Variants in ELAVL4 observed in about 807,000 individuals in gnomAD.
The protein encoded by ELAVL4 is ELAV-like protein 4.
In ELAVL4, 1 loss-of-function variant was observed where a neutral mutation model predicts 35.6. The ratio of observed to expected loss-of-function variants is 0.03; its 90% CI spans 0.01 to 0.13. The LOEUF is 0.13. ELAVL4 is among the 10% of genes least tolerant of loss of function. The probability of loss-of-function intolerance (pLI) is 1.00; values close to 1 mark genes in which losing one functional copy is unlikely to be tolerated. For synonymous variants in ELAVL4, 156 were observed against 171.0 expected (o/e 0.91, Z 0.69); for missense variants, 267 against 464.9 (o/e 0.57, Z 3.91).
intron 1 of ELAVL4, among the ~76,000 whole-genome samples, chr1:50,096,267 G>C (rs151127469): frequency 6.6e-6 from 1 of 151,586 alleles, no homozygotes; most frequent in Non-Finnish European, 1.5e-5. Flanking sequence ...CTGTGGTAAT[G>C]CTCTGACATG....
At chr1:50,184,166 A>T (rs1426808475) in intron 3 of ELAVL4, among the ~76,000 whole-genome samples, 3 of 152,158 alleles carry the variant, frequency 2.0e-5, no homozygotes, top group Admixed American at 2.0e-4. Context: ...AAATACAAGG[A>T]TAGGAGTTGG....
intron 2 of ELAVL4, 123 bp downstream of exon 2, chr1:50,145,320 A>G: frequency 7.0e-7 from 1 of 1,431,276 alleles, no homozygotes; most frequent in South Asian, 1.3e-5. Context: ...TGGCATGGAT[A>G]CACAGTCATA....
At chr1:50,147,490 G>A (rs1673927909) in intron 2 of ELAVL4, among the ~76,000 whole-genome samples, 1 of 152,166 alleles carries the variant, frequency 6.6e-6, no homozygotes, top group Non-Finnish European at 1.5e-5. Context: ...GAGAGATAGG[G>A]CTGTGGGGAA....
upstream of ELAVL4, among the ~76,000 whole-genome samples, chr1:50,102,646 T>C (rs972646648): frequency 1.3e-5 from 2 of 152,250 alleles, no homozygotes; most frequent in Admixed American, 6.5e-5. Flanking sequence ...AGCTACTCCA[T>C]ACTTTACCTG....
intron 1 of ELAVL4, among the ~76,000 whole-genome samples, chr1:50,121,645 A>C (rs1669056803): frequency 6.6e-6 from 1 of 152,066 alleles, no homozygotes; most frequent in South Asian, 2.1e-4. Context: ...TGAGCTCTGT[A>C]TTATACAAAG....
chr1:50,186,014 G>C (rs1048503608), intron 3 of ELAVL4, among the ~76,000 whole-genome samples: 2 of 152,044 alleles, frequency 1.3e-5, no homozygotes, highest in African/African-American at 4.8e-5. Flanking sequence ...CCACTAGATA[G>C]ACAGAGAGAA....
chr1:50,144,992 T>C lies in ELAVL4; in HGVS notation c.45T>C (p.Gly15=), dbSNP rs754214008. Residue 15 remains glycine, a synonymous_variant, in exon 2 of 7, where the codon GGT becomes GGC. Coordinates refer to ENST00000371824, the MANE Select transcript of ELAVL4 (RefSeq NM_001144774.3). ...ISTMEPQVSN[G]PTSNTSNGPS... is the part of the protein sequence containing the mutation. ...CCATGGAGCCTCAGGTGTCAAATGG[T>C]CCGACATCCAATACAAGCAATGGAC... 6.2e-7 allele frequency: 1 copy of C among 1,613,754 alleles called. No homozygotes were observed. The highest frequency in any genetic ancestry group is 8.5e-7 in the Non-Finnish European group (1 of 1,179,936).
At chr1:50,084,297 T>G (rs1404771076) in intron 1 of ELAVL4, among the ~76,000 whole-genome samples, 1 of 152,192 alleles carries the variant, frequency 6.6e-6, no homozygotes, top group Non-Finnish European at 1.5e-5. Flanking sequence ...GGTGACATAA[T>G]TCTAATTTTA....
intron 1 of ELAVL4, among the ~76,000 whole-genome samples, chr1:50,119,095 A>AG (rs1668592273): frequency 3.8e-5 from 3 of 79,422 alleles, no homozygotes; most frequent in South Asian, 8.6e-4. Context: ...AAAGAAAGAA[A>AG]AAGAAAAAGA....
intron 1 of ELAVL4, among the ~76,000 whole-genome samples, chr1:50,136,624 T>G (rs899678974): frequency 6.6e-6 from 1 of 152,118 alleles, no homozygotes; most frequent in African/African-American, 2.4e-5. Flanking sequence ...TGCATGAGTC[T>G]CAGGTGTACA....
At chr1:50,082,930 A>G (rs1266403577) in intron 1 of ELAVL4, among the ~76,000 whole-genome samples, 1 of 152,184 alleles carries the variant, frequency 6.6e-6, no homozygotes, top group East Asian at 1.9e-4. Flanking sequence ...CCTTGTACCC[A>G]GTGAACCAAT....
chr1:50,056,785 A>T (rs1336565118), intron 1 of ELAVL4, among the ~76,000 whole-genome samples: 1 of 152,194 alleles, frequency 6.6e-6, no homozygotes, highest in Non-Finnish European at 1.5e-5. Flanking sequence ...TACAAAAATT[A>T]GCTGGACATG....
chr1:50,119,258 T>A (rs1668618846), intron 1 of ELAVL4, among the ~76,000 whole-genome samples: 2 of 152,050 alleles, frequency 1.3e-5, no homozygotes. Context: ...TTTGGTTGGT[T>A]TTTAGACTGT....
At chr1:50,133,945 A>T (rs1458656238) in intron 1 of ELAVL4, among the ~76,000 whole-genome samples, 1 of 152,168 alleles carries the variant, frequency 6.6e-6, no homozygotes, top group African/African-American at 2.4e-5. Flanking sequence ...TTGACCTTAC[A>T]CAATTTCTCT....
At chr1:50,057,943 G>T (rs1022630434) in intron 1 of ELAVL4, among the ~76,000 whole-genome samples, 1 of 152,184 alleles carries the variant, frequency 6.6e-6, no homozygotes, top group Admixed American at 6.5e-5. Flanking sequence ...ACCTTCAAGG[G>T]TGTGATTTAT....
chr1:50,203,383 T>C lies in ELAVL4; in HGVS notation c.*2205T>C, dbSNP rs1413282337. ...CCTCCTTTAAATTTTTTTTCTGTTT[T>C]TTTTTCCTCTTTTCGGTTTTGGATA... On this transcript the variant is annotated 3_prime_UTR_variant, in exon 7 of 7. Transcript: ENST00000371824. The C allele has an allele frequency of 1.3e-5, 2 of 152,154 alleles. No individual in the cohort carries two copies. Among genetic ancestry groups the C allele is most frequent in the East Asian group, 3.8e-4 (2 of 5,196 alleles). The allele number at this position is 152,154 out of a possible 1,614,324, so 9.4% of individuals were successfully genotyped here. A position where few individuals can be genotyped will look rare whatever the true frequency, so the allele number is the denominator to read the frequency against.
chr1:50,183,014 C>T (rs1447572041), intron 3 of ELAVL4, among the ~76,000 whole-genome samples: 9 of 152,078 alleles, frequency 5.9e-5, no homozygotes, highest in South Asian at 4.2e-4. Flanking sequence ...CCTGCCACCA[C>T]GCCCGGCTGA....
intron 3 of ELAVL4, chr1:50,180,234 C>G (rs1214839313): frequency 6.6e-6 from 1 of 151,864 alleles, no homozygotes; most frequent in African/African-American, 2.4e-5. Flanking sequence ...CTGAGCATCC[C>G]AAATTGGAAA....
Position 50,193,758 on chromosome 1 carries a change from T to C in ELAVL4, c.355-7T>C, listed in dbSNP as rs753302180. ...TAATGGAATTAGCTCCTCTTGCCTT[T>C]TCCTAGGTCTCATATGCCCGTCCGA... is the stretch of plus-strand genomic sequence containing the variant. On this transcript the variant is annotated splice_polypyrimidine_tract_variant and splice_region_variant and intron_variant, in intron 3 of 6. Transcript: ENST00000371824. The C allele has an allele frequency of 6.2e-7, 1 of 1,611,748 alleles. No individual in the cohort carries two copies. Among genetic ancestry groups the C allele is most frequent in the Non-Finnish European group, 8.5e-7 (1 of 1,179,114 alleles).
Sources: gnomAD v4.1 joint callset for allele counts (sites outside exome capture counted in the v4.1 genomes callset) on GRCh38, gnomAD v4.1.1 for gene constraint, MANE v1.5 for transcripts, NCBI Gene and HGNC (gene_info 2026-07-23, HGNC 2026-07-21) for gene names.